The following KLF12 variants were observed in gnomAD, a reference collection of about 807,000 sequenced individuals.
The protein encoded by KLF12 is KLF transcription factor 12.
In KLF12, 9 loss-of-function variants were observed where a neutral mutation model predicts 37.8. That is an observed-to-expected ratio of 0.24 (90% CI 0.14 to 0.42). The LOEUF (loss-of-function observed/expected upper bound fraction) is 0.42. Ranked by LOEUF, KLF12 falls within the 10% of genes least tolerant of loss-of-function variation. KLF12 has a pLI of 1.00. For synonymous variants in KLF12, 208 were observed against 202.1 expected, an observed-to-expected ratio of 1.03 and a Z score of -0.25; for missense variants, 411 against 516.0, an observed-to-expected ratio of 0.80 and a Z score of 1.97.
chr13:74,176,548 C>T, the KLF12 span, among the ~76,000 whole-genome samples: 1 of 152,178 alleles, frequency 6.6e-6, no homozygotes, highest in Non-Finnish European at 1.5e-5. Context: ...TGCTTTGGCA[C>T]TGAAACCTTC....
intron 1 of KLF12, among the ~76,000 whole-genome samples, chr13:74,000,494 C>T (rs1431108986): frequency 6.6e-6 from 1 of 152,196 alleles, no homozygotes; most frequent in Non-Finnish European, 1.5e-5. Flanking sequence ...TAAAATACTT[C>T]ATTTATAAAA....
intron 4 of KLF12, among the ~76,000 whole-genome samples, chr13:73,822,473 T>C (rs976064088): frequency 2.0e-5 from 3 of 152,186 alleles, no homozygotes; most frequent in Admixed American, 1.3e-4. Flanking sequence ...CTCATGCCTG[T>C]AATTCCACCA....
At chr13:74,256,688 T>TTGTG in the KLF12 span, among the ~76,000 whole-genome samples, 841 of 148,002 alleles carry the variant, frequency 5.7e-3, 5 homozygotes, top group African/African-American at 0.018. Context: ...TGAGTAGAGC[T>TTGTG]TGTGTGTGTG....
At chr13:74,089,785 C>T (rs1485329682) in intron 1 of KLF12, among the ~76,000 whole-genome samples, 2 of 132,194 alleles carry the variant, frequency 1.5e-5, no homozygotes, top group Non-Finnish European at 3.2e-5. Context: ...TTCCTTGACA[C>T]GACGTAACAT....
chr13:74,089,666 C>T (rs549150651), intron 1 of KLF12, among the ~76,000 whole-genome samples: 1 of 151,358 alleles, frequency 6.6e-6, no homozygotes, highest in East Asian at 1.9e-4. Flanking sequence ...TAATGTAATG[C>T]ACCATAGCAA....
upstream of KLF12, among the ~76,000 whole-genome samples, chr13:74,136,836 T>C (rs1397546977): frequency 2.6e-5 from 4 of 151,238 alleles, no homozygotes; most frequent in African/African-American, 7.3e-5. Context: ...ATTTTAAAAA[T>C]TGTTGACAGA....
chr13:73,955,491 T>C (rs1157054133), intron 2 of KLF12, among the ~76,000 whole-genome samples: 1 of 152,206 alleles, frequency 6.6e-6, no homozygotes, highest in Non-Finnish European at 1.5e-5. Context: ...ACTGTGACGA[T>C]GTACACACCG....
intron 1 of KLF12, among the ~76,000 whole-genome samples, chr13:74,028,960 G>A (rs1479448673): frequency 1.3e-5 from 2 of 151,990 alleles, no homozygotes; most frequent in Non-Finnish European, 2.9e-5. Context: ...ATTTACCATT[G>A]AGTACTAACT....
chr13:74,104,088 C>T (rs943828879), intron 1 of KLF12, among the ~76,000 whole-genome samples: 2 of 152,146 alleles, frequency 1.3e-5, no homozygotes, highest in Admixed American at 6.5e-5. Context: ...AACACACATC[C>T]CATGCAACAA....
the KLF12 span, among the ~76,000 whole-genome samples, chr13:74,253,747 G>T: frequency 6.6e-6 from 1 of 152,176 alleles, no homozygotes; most frequent in African/African-American, 2.4e-5. Flanking sequence ...AAGAACTCTA[G>T]TTCATGAACT....
intron 6 of KLF12, among the ~76,000 whole-genome samples, chr13:73,763,152 C>T (rs1271821842): frequency 2.6e-5 from 4 of 152,160 alleles, no homozygotes; most frequent in Non-Finnish European, 5.9e-5. Context: ...TATTCCACCC[C>T]CTCCCAAGTA....
At chr13:74,104,644 G>C (rs773530390) in intron 1 of KLF12, among the ~76,000 whole-genome samples, 1 of 152,116 alleles carries the variant, frequency 6.6e-6, no homozygotes, top group Non-Finnish European at 1.5e-5. Context: ...AGTCAATAAT[G>C]TTCTATCAAG....
At chr13:73,843,731 A>T (rs1433455559) in intron 4 of KLF12, among the ~76,000 whole-genome samples, 1 of 152,210 alleles carries the variant, frequency 6.6e-6, no homozygotes, top group Non-Finnish European at 1.5e-5. Flanking sequence ...CATAGGTATA[A>T]GTGACAGAGC....
intron 2 of KLF12, among the ~76,000 whole-genome samples, chr13:73,953,319 A>T (rs992932807): frequency 3.8e-5 from 5 of 130,820 alleles, no homozygotes; most frequent in African/African-American, 7.7e-5. Context: ...GGTTAAAATT[A>T]AAAAAAAAAA....
intron 6 of KLF12, among the ~76,000 whole-genome samples, chr13:73,718,834 C>T (rs113707973): frequency 0.066 from 10,076 of 152,172 alleles, 381 homozygotes; most frequent in South Asian, 0.17. Flanking sequence ...GTGGAGGTTG[C>T]AGTGAGCCAA....
At chr13:74,084,792 A>G (rs944435121) in intron 1 of KLF12, among the ~76,000 whole-genome samples, 1 of 151,172 alleles carries the variant, frequency 6.6e-6, no homozygotes, top group Non-Finnish European at 1.5e-5. Context: ...ATCAAACAAT[A>G]AAACACTCTG....
intron 3 of KLF12, among the ~76,000 whole-genome samples, chr13:73,889,966 C>A (rs1887423989): frequency 6.6e-6 from 1 of 151,972 alleles, no homozygotes; most frequent in African/African-American, 2.4e-5. Flanking sequence ...CACAAAATGT[C>A]CTCTAAGTAA....
chr13:73,840,729 A>C (rs143522457), intron 4 of KLF12, among the ~76,000 whole-genome samples: 3 of 152,176 alleles, frequency 2.0e-5, no homozygotes, highest in African/African-American at 7.2e-5. Context: ...CCTCCTGTTC[A>C]TTCTGAACCC....
chr13:74,282,527 T>C, the KLF12 span, among the ~76,000 whole-genome samples: 1 of 152,128 alleles, frequency 6.6e-6, no homozygotes, highest in Non-Finnish European at 1.5e-5. Flanking sequence ...CCTAGGGCTA[T>C]AGGGTGATGA....
Sources: gnomAD v4.1 joint callset for allele counts (sites outside exome capture counted in the v4.1 genomes callset) on GRCh38, gnomAD v4.1.1 for gene constraint, MANE v1.5 for transcripts, NCBI Gene and HGNC (gene_info 2026-07-23, HGNC 2026-07-21) for gene names.